Variants in INPP4B observed in about 807,000 individuals in gnomAD.
INPP4B encodes inositol polyphosphate 4-phosphatase type II.
In INPP4B, 55 loss-of-function variants were observed where a neutral mutation model predicts 122.5. The ratio of observed to expected loss-of-function variants is 0.45; its 90% CI spans 0.36 to 0.56. The LOEUF is 0.56. Among genes scored for constraint, INPP4B ranks in the 20% least tolerant of loss-of-function variants. The pLI is 0.00. For synonymous variants in INPP4B, 403 were observed against 388.7 expected (o/e 1.04, Z -0.43); for missense variants, 1,000 against 1,097.7 (o/e 0.91, Z 1.26).
At chr4:142,572,685 A>T (rs942916628) in intron 2 of INPP4B, among the ~76,000 whole-genome samples, 2 of 152,028 alleles carry the variant, frequency 1.3e-5, no homozygotes, top group African/African-American at 4.8e-5. Flanking sequence ...TAATAAGTTA[A>T]TGATGTCTTA....
intron 2 of INPP4B, among the ~76,000 whole-genome samples, chr4:142,556,621 A>T (rs187696871): frequency 1.3e-5 from 2 of 152,152 alleles, no homozygotes; most frequent in Non-Finnish European, 2.9e-5. Flanking sequence ...GGTCAGAGAG[A>T]AAAAGACCAT....
At chr4:142,198,613 C>T (rs2149419889) in intron 14 of INPP4B, among the ~76,000 whole-genome samples, 1 of 151,630 alleles carries the variant, frequency 6.6e-6, no homozygotes, top group Non-Finnish European at 1.5e-5. Flanking sequence ...TTCTTGTTCT[C>T]ATTTTTGGCT....
chr4:142,303,143 G>A (rs3822152), intron 9 of INPP4B, among the ~76,000 whole-genome samples: 30,313 of 151,930 alleles, frequency 0.2, 3,755 homozygotes, highest in African/African-American at 0.35. Flanking sequence ...TAAAAGCAAT[G>A]TATCCTCTGC....
intron 18 of INPP4B, among the ~76,000 whole-genome samples, chr4:142,132,103 T>C (rs1434399927): frequency 6.6e-6 from 1 of 152,226 alleles, no homozygotes; most frequent in Non-Finnish European, 1.5e-5. Context: ...TAATTATGAA[T>C]TCTTAATTTC....
intron 2 of INPP4B, among the ~76,000 whole-genome samples, chr4:142,543,865 C>T (rs1014778471): frequency 7.9e-5 from 12 of 151,998 alleles, no homozygotes; most frequent in African/African-American, 2.9e-4. Context: ...TACCAAGATA[C>T]TAATGAAAAG....
intron 7 of INPP4B, among the ~76,000 whole-genome samples, chr4:142,335,176 A>G (rs1776175887): frequency 6.6e-6 from 1 of 151,784 alleles, no homozygotes; most frequent in African/African-American, 2.4e-5. Context: ...AGGAGTTATA[A>G]AAAGAAAGGA....
intron 5 of INPP4B, among the ~76,000 whole-genome samples, chr4:142,419,035 G>A (rs1017068948): frequency 3.2e-4 from 48 of 152,146 alleles, no homozygotes; most frequent in Non-Finnish European, 5.4e-4. Flanking sequence ...TGGATTTAAT[G>A]TAAGGTTAGA....
intron 7 of INPP4B, among the ~76,000 whole-genome samples, chr4:142,344,572 A>G (rs368673594): frequency 2.2e-4 from 33 of 152,184 alleles, no homozygotes; most frequent in African/African-American, 7.7e-4. Context: ...CCAGCTGTAC[A>G]CTTTTCAGTG....
intron 7 of INPP4B, among the ~76,000 whole-genome samples, chr4:142,359,517 C>G (rs917178873): frequency 6.6e-6 from 1 of 151,940 alleles, no homozygotes; most frequent in African/African-American, 2.4e-5. Flanking sequence ...ATCATCTAAA[C>G]CTCGTCCCAT....
chr4:142,071,462 C>T (rs561500957), intron 25 of INPP4B, among the ~76,000 whole-genome samples: 3 of 152,180 alleles, frequency 2.0e-5, no homozygotes, highest in African/African-American at 7.2e-5. Flanking sequence ...AAAGCAATGG[C>T]AACAAAAGCC....
In INPP4B at chr4:142,508,936, C is replaced by T. The variant is rs909909193; in HGVS notation, c.-190-46210G>A. On this transcript the variant is annotated intron_variant, in intron 2 of 25. Coordinates refer to ENST00000262992, the MANE Select transcript of INPP4B (RefSeq NM_001101669.3). ...ATGTTAAAGCCATGGTTGGGAAACT[C>T]GGCTATAAATAATTAGACTCCTAAG... Among the ~76,000 whole-genome samples, 4 of 152,108 alleles carry T rather than the reference C, an allele frequency of 2.6e-5. No individual in the cohort carries two copies. The South Asian group carries it at 6.2e-4, about 24-fold the overall frequency.
intron 17 of INPP4B, among the ~76,000 whole-genome samples, chr4:142,152,076 T>C (rs949547198): frequency 2.6e-5 from 3 of 117,570 alleles, no homozygotes; most frequent in African/African-American, 1.3e-4. Context: ...CTTTTTTTTT[T>C]TTTTTTTTTT....
intron 23 of INPP4B, among the ~76,000 whole-genome samples, chr4:142,092,511 A>G (rs2322307): frequency 0.26 from 39,183 of 151,820 alleles, 5,108 homozygotes; most frequent in East Asian, 0.3. Flanking sequence ...GGCTGGTCTC[A>G]AACTCCTGAC....
intron 2 of INPP4B, among the ~76,000 whole-genome samples, chr4:142,669,561 A>G (rs1370721932): frequency 6.6e-6 from 1 of 152,232 alleles, no homozygotes; most frequent in Non-Finnish European, 1.5e-5. Context: ...TATACAATAA[A>G]GCACAGTTCT....
intron 12 of INPP4B, among the ~76,000 whole-genome samples, chr4:142,225,456 C>T (rs1851122001): frequency 6.6e-6 from 1 of 151,296 alleles, no homozygotes; most frequent in Admixed American, 6.6e-5. Flanking sequence ...TAATAAACTC[C>T]CTTTCATATA....
chr4:142,177,868 T>C (rs1463026937), intron 15 of INPP4B, among the ~76,000 whole-genome samples: 3 of 152,120 alleles, frequency 2.0e-5, no homozygotes, highest in Non-Finnish European at 4.4e-5. Context: ...TTCCTGAGTG[T>C]ATATTTGTCC....
intron 12 of INPP4B, among the ~76,000 whole-genome samples, chr4:142,216,899 A>T (rs1561513083): frequency 6.6e-6 from 1 of 152,234 alleles, no homozygotes; most frequent in Non-Finnish European, 1.5e-5. Flanking sequence ...ATTTTGTTAC[A>T]TATAATGTGT....
At chr4:142,035,358 G>T (rs1743188485) in intron 25 of INPP4B, among the ~76,000 whole-genome samples, 2 of 152,294 alleles carry the variant, frequency 1.3e-5, no homozygotes, top group South Asian at 4.1e-4. Flanking sequence ...CCAGAGGTGG[G>T]TTGGATAGGA....
chr4:142,410,019 G>C (rs918989828), intron 5 of INPP4B, among the ~76,000 whole-genome samples: 4 of 152,044 alleles, frequency 2.6e-5, no homozygotes, highest in Non-Finnish European at 5.9e-5. Flanking sequence ...TGTTTCCTGT[G>C]GCCATTATTT....
Sources: allele counts gnomAD v4.1 joint callset (sites outside exome capture counted in the v4.1 genomes callset), GRCh38; gene constraint gnomAD v4.1.1; transcripts MANE v1.5; gene names NCBI Gene and HGNC (gene_info 2026-07-23, HGNC 2026-07-21).